The following CHODL variants were observed in gnomAD, a reference collection of about 807,000 sequenced individuals.
CHODL encodes the protein transmembrane protein MT75.
A neutral mutation model predicts 34.5 loss-of-function variants in CHODL; 29 were observed. That is an observed-to-expected ratio of 0.84 (90% CI 0.63 to 1.15). The LOEUF is 1.15. Ranked by LOEUF, CHODL falls within the 50% of genes most tolerant of loss-of-function variation. The pLI is 0.00. For missense variants in CHODL, 332 were observed against 332.5 expected, an observed-to-expected ratio of 1.00 and a Z score of 0.01; for synonymous variants, 125 against 116.1, an observed-to-expected ratio of 1.08 and a Z score of -0.49.
chr21:18,239,965 A>G (rs975828698), upstream of CHODL, among the ~76,000 whole-genome samples: 11 of 152,170 alleles, frequency 7.2e-5, no homozygotes, highest in South Asian at 1.2e-3. Flanking sequence ...GGAAGAAAAT[A>G]AAAAGAGATG....
chr21:18,003,040 G>A (rs1055429810), intron 1 of CHODL, among the ~76,000 whole-genome samples: 2 of 151,470 alleles, frequency 1.3e-5, no homozygotes, highest in South Asian at 2.1e-4. Flanking sequence ...GGAGAATGGC[G>A]TGAACCCCGG....
intron 1 of CHODL, among the ~76,000 whole-genome samples, chr21:17,926,529 A>T (rs1213330910): frequency 6.6e-6 from 1 of 152,180 alleles, no homozygotes; most frequent in Admixed American, 6.5e-5. Context: ...ATCATGGCAG[A>T]AGGCAAAGGA....
chr21:17,950,531 CACACTT>C (rs779960427), intron 1 of CHODL, among the ~76,000 whole-genome samples: 2,327 of 125,626 alleles, frequency 0.019, 57 homozygotes, highest in African/African-American at 0.06. Context: ...CACACACACA[CACACTT>C]CTTTAAAGCC....
chr21:18,256,640 C>G lies in CHODL; in HGVS notation c.211C>G (p.Leu71Val). 6.2e-7 allele frequency: 1 copy of G among 1,614,010 alleles called. No homozygotes were observed. Among genetic ancestry groups the G allele is most frequent in the South Asian group, 1.1e-5 (1 of 91,070 alleles). Residue 71 changes from leucine to valine, a missense_variant, in exon 2 of 6, where the codon CTT (leucine) becomes GTT (valine). By Grantham distance (32) the Leu-to-Val change is conservative. Coordinates refer to ENST00000299295, the MANE Select transcript of CHODL (RefSeq NM_024944.3). ...CESEGGVLLS[L>V]ENEAEQKLIE... is the part of the protein sequence containing the mutation. ...GAGTGAGGGAGGAGTCCTCCTCAGC[C>G]TTGAGAATGAAGCAGAACAGAAGTT... is the stretch of plus-strand genomic sequence containing the variant.
At chr21:18,250,704 A>G (rs568680286) in intron 1 of CHODL, among the ~76,000 whole-genome samples, 13 of 152,102 alleles carry the variant, frequency 8.5e-5, no homozygotes, top group South Asian at 2.1e-4. Flanking sequence ...TGCACTGTGT[A>G]TGGTAGTATC....
At chr21:18,028,277 CCCTTCCTTCCTTCCTTCCTTCCTT>C (rs1555853374) in intron 2 of CHODL, among the ~76,000 whole-genome samples, 4 of 98,934 alleles carry the variant, frequency 4.0e-5, no homozygotes, top group Admixed American at 1.1e-4. Flanking sequence ...TTTCCTTTTC[CCCTTCCTTCCTTCCTTCCTTCCTT>C]CCTTCCTTCC....
chr21:18,105,931 C>A (rs1203282769), intron 2 of CHODL, among the ~76,000 whole-genome samples: 1 of 152,112 alleles, frequency 6.6e-6, no homozygotes, highest in Non-Finnish European at 1.5e-5. Context: ...AAACATTGCC[C>A]TTAAAACTGG....
chr21:18,058,528 A>T (rs1409924817), intron 2 of CHODL, among the ~76,000 whole-genome samples: 1 of 152,184 alleles, frequency 6.6e-6, no homozygotes, highest in Non-Finnish European at 1.5e-5. Context: ...AAATCCTGTC[A>T]TTCATGGCAA....
At chr21:18,022,765 T>G (rs2064139677) in intron 1 of CHODL, among the ~76,000 whole-genome samples, 1 of 152,360 alleles carries the variant, frequency 6.6e-6, no homozygotes, top group East Asian at 1.9e-4. Context: ...CAATTCAACA[T>G]GCAGTTAACT....
At chr21:18,171,364 G>A (rs2073229235) in intron 2 of CHODL, among the ~76,000 whole-genome samples, 4 of 148,718 alleles carry the variant, frequency 2.7e-5, no homozygotes, top group South Asian at 4.3e-4. Context: ...CCGCCACCGC[G>A]CCCGGCTAAT....
At chr21:17,988,734 T>C (rs192953032) in intron 1 of CHODL, among the ~76,000 whole-genome samples, 34 of 151,472 alleles carry the variant, frequency 2.2e-4, no homozygotes, top group African/African-American at 8.3e-4. Flanking sequence ...GAACTCAACA[T>C]TTTTTGTGGC....
chr21:18,086,530 G>A (rs2065009649), intron 2 of CHODL, among the ~76,000 whole-genome samples: 1 of 152,016 alleles, frequency 6.6e-6, no homozygotes, highest in African/African-American at 2.4e-5. Flanking sequence ...TACATATGTT[G>A]TTGATTCAGT....
At chr21:17,972,868 C>T (rs2063627079) in intron 1 of CHODL, among the ~76,000 whole-genome samples, 1 of 152,088 alleles carries the variant, frequency 6.6e-6, no homozygotes, top group East Asian at 1.9e-4. Flanking sequence ...AAGCTGGAGC[C>T]ATCATACTAC....
chr21:18,221,347 A>G (rs1217433197), intron 2 of CHODL, among the ~76,000 whole-genome samples: 1 of 152,114 alleles, frequency 6.6e-6, no homozygotes, highest in East Asian at 1.9e-4. Flanking sequence ...TTTCTTTAAC[A>G]TCATGATTTT....
chr21:18,131,652 A>G (rs1029519249), intron 2 of CHODL, among the ~76,000 whole-genome samples: 3 of 152,134 alleles, frequency 2.0e-5, no homozygotes, highest in Non-Finnish European at 4.4e-5. Flanking sequence ...TAATGATGAA[A>G]GTCATAGCAC....
At position 18,071,336 on chromosome 21, in the gene CHODL, G is replaced by A. The variant is rs188635352; in HGVS notation, c.-45+43365G>A. ...TAATTTTTGTATTTTTAGTAGAGAT[G>A]GGTTTTCACTATGGTGGCCAGGCTG... On this transcript the variant is annotated intron_variant, in intron 2 of 6. Transcript: ENST00000400127. Among the ~76,000 whole-genome samples the A allele has an allele frequency of 7.9e-5, 12 of 151,780 alleles. No individual in the cohort carries two copies. In the East Asian group the frequency reaches 2.1e-3, roughly 27 times the overall value.
At chr21:18,063,302 G>A (rs2064691769) in intron 2 of CHODL, among the ~76,000 whole-genome samples, 1 of 152,176 alleles carries the variant, frequency 6.6e-6, no homozygotes, top group Non-Finnish European at 1.5e-5. Context: ...GGAAGGTTGT[G>A]TCAATGAACA....
chr21:18,145,665 T>C (rs1255895093), intron 2 of CHODL, among the ~76,000 whole-genome samples: 1 of 152,158 alleles, frequency 6.6e-6, no homozygotes, highest in African/African-American at 2.4e-5. Flanking sequence ...TTATGAAATA[T>C]ATTACTGTGT....
chr21:17,918,323 A>G (rs1217713520), intron 1 of CHODL, among the ~76,000 whole-genome samples: 2 of 152,172 alleles, frequency 1.3e-5, no homozygotes, highest in East Asian at 3.8e-4. Flanking sequence ...CCGTTTTCAC[A>G]CTGCTGATAA....
Sources: gnomAD v4.1 joint callset for allele counts (sites outside exome capture counted in the v4.1 genomes callset) on GRCh38, gnomAD v4.1.1 for gene constraint, MANE v1.5 for transcripts, NCBI Gene and HGNC (gene_info 2026-07-23, HGNC 2026-07-21) for gene names.